PPARGC1B: variants seen among roughly 807,000 people sequenced by gnomAD.
PPARGC1B encodes PPARG coactivator 1 beta.
Under a neutral mutation model 101.6 loss-of-function variants are expected in PPARGC1B, and 34 were observed. That is an observed-to-expected ratio of 0.33 (90% CI 0.25 to 0.45). PPARGC1B has a LOEUF of 0.45. Among genes scored for constraint, PPARGC1B ranks in the 20% least tolerant of loss-of-function variants. The pLI, the probability that PPARGC1B is intolerant of heterozygous loss-of-function variation, is 1.00. For missense variants in PPARGC1B, 1,234 were observed against 1,317.6 expected (o/e 0.94, Z 0.98); for synonymous variants, 548 against 539.3 (o/e 1.02, Z -0.22).
chr5:149,743,155 CTTTTTT>C (rs1181226228), intron 1 of PPARGC1B, among the ~76,000 whole-genome samples: 1 of 134,368 alleles, frequency 7.4e-6, no homozygotes, highest in African/African-American at 2.7e-5. Flanking sequence ...TGTGTTTATT[CTTTTTT>C]TTTTTTTTTT....
intron 1 of PPARGC1B, 74 bp from the exon 2 acceptor site, chr5:149,820,359 A>G (rs1276412590): frequency 4.9e-6 from 7 of 1,428,370 alleles, no homozygotes; most frequent in Non-Finnish European, 6.8e-6. Flanking sequence ...TAGCTGCATC[A>G]TTATTGAGAG....
chr5:149,754,702 C>T (rs1755439985), intron 1 of PPARGC1B, among the ~76,000 whole-genome samples: 2 of 151,258 alleles, frequency 1.3e-5, no homozygotes. Context: ...GACAGGTAAC[C>T]AGGTCCTGAT....
chr5:149,811,123 T>C (rs900565231), intron 1 of PPARGC1B, among the ~76,000 whole-genome samples: 1 of 152,168 alleles, frequency 6.6e-6, no homozygotes, highest in African/African-American at 2.4e-5. Flanking sequence ...TGTATATTCA[T>C]TTTTGCCAGT....
chr5:149,844,233 G>A (rs1759460093), intron 10 of PPARGC1B, among the ~76,000 whole-genome samples: 1 of 152,148 alleles, frequency 6.6e-6, no homozygotes. Context: ...AATGAAGATA[G>A]CATGCAAAAA....
intron 1 of PPARGC1B, among the ~76,000 whole-genome samples, chr5:149,739,273 A>G (rs1262588905): frequency 6.6e-6 from 1 of 152,144 alleles, no homozygotes; most frequent in African/African-American, 2.4e-5. Context: ...ATCTGTGACT[A>G]TTTCGTTGTG....
rs199633790 is a variant in PPARGC1B at position 149,732,586 on chromosome 5, T to C, written c.78+2166T>C. 2.8e-3 allele frequency among the ~76,000 whole-genome samples: 419 copies of C among 152,352 alleles called. 6 individuals carry two copies. Among genetic ancestry groups the C allele is most frequent in the South Asian group, 0.025 (120 of 4,832 alleles). The stretch of plus-strand genomic sequence containing the variant: ...GTGAAAGTTAATCTGGGACATTTGC[T>C]TTTTTTATTTAACCACATGACAGGC... On this transcript the variant is annotated intron_variant, in intron 1 of 11. Transcript: ENST00000309241.
intron 1 of PPARGC1B, among the ~76,000 whole-genome samples, chr5:149,782,253 A>G (rs183237237): frequency 4.9e-4 from 74 of 152,270 alleles, no homozygotes; most frequent in East Asian, 3.7e-3. Flanking sequence ...TCACTCATTT[A>G]CTGTGTGACC....
intron 1 of PPARGC1B, among the ~76,000 whole-genome samples, chr5:149,731,369 G>C (rs1754458498): frequency 6.6e-6 from 1 of 151,976 alleles, no homozygotes; most frequent in South Asian, 2.1e-4. Context: ...CCCACCCAAT[G>C]CCTGTTGCAA....
chr5:149,785,310 G>A (rs1756760298), intron 1 of PPARGC1B, among the ~76,000 whole-genome samples: 1 of 152,222 alleles, frequency 6.6e-6, no homozygotes, highest in Non-Finnish European at 1.5e-5. Context: ...GGCAGACCCA[G>A]GTTAGAATCT....
intron 1 of PPARGC1B, among the ~76,000 whole-genome samples, chr5:149,780,556 A>G (rs1581045296): frequency 6.6e-6 from 1 of 152,272 alleles, no homozygotes; most frequent in East Asian, 1.9e-4. Flanking sequence ...CTGTTGTTCT[A>G]GTTTTGCAGG....
rs535331684 is a variant in PPARGC1B at position 149,777,140 on chromosome 5, G to C, written c.79-43293G>C. ...TCAGTCTGAATCTGTTCTTCTTCTT[G>C]TTTTTGCTGAGGCAGTTTTGTGGCT... is the stretch of plus-strand genomic sequence containing the variant. On this transcript the variant is annotated intron_variant, in intron 1 of 11. Transcript: ENST00000309241. Among the ~76,000 whole-genome samples the C allele has an allele frequency of 7.2e-5, 11 of 152,328 alleles. 1 individual carries two copies. The South Asian group carries it at 2.1e-3, about 29-fold the overall frequency.
rs1207959308 is a variant in PPARGC1B, at chr5:149,820,541, T to C, written c.187T>C (p.Trp63Arg). 1 of 1,613,906 alleles carries C rather than the reference T, an allele frequency of 6.2e-7. No homozygotes were observed. The highest frequency in any genetic ancestry group is 8.5e-7 in the Non-Finnish European group (1 of 1,180,032). The change falls in exon 2 of 12, where the codon TGG becomes CGG. Residue 63 changes from tryptophan (W) to arginine (R), a missense_variant. By Grantham distance (101) the Trp-to-Arg change is moderately radical. Transcript: ENST00000309241. ...DSATCFGELQ[W>R]CPENSETEPN... The stretch of plus-strand genomic sequence containing the variant: ...GGCCACCTGCTTTGGGGAGCTGCAG[T>C]GGTGCCCAGAGAACTCAGAGACTGA...
At chr5:149,845,999 G>A (rs571758846) in intron 11 of PPARGC1B, 85 bp downstream of exon 11, 2 of 1,541,322 alleles carry the variant, frequency 1.3e-6, no homozygotes, top group African/African-American at 1.4e-5. Context: ...CAGAGCTAAA[G>A]CGCCTTGTGG....
intron 1 of PPARGC1B, among the ~76,000 whole-genome samples, chr5:149,738,297 G>A (rs1754798260): frequency 6.6e-6 from 1 of 152,100 alleles, no homozygotes; most frequent in South Asian, 2.1e-4. Context: ...CTCCACAAAG[G>A]CAAGGATTTT....
intron 1 of PPARGC1B, among the ~76,000 whole-genome samples, chr5:149,768,529 C>T (rs1251720531): frequency 6.6e-6 from 1 of 150,722 alleles, no homozygotes; most frequent in Non-Finnish European, 1.5e-5. Context: ...CTGCAACCTC[C>T]GCCTCTCAGG....
Position 149,795,005 on chromosome 5 carries a change from G to A in PPARGC1B, c.79-25428G>A, listed in dbSNP as rs141638813. Among the ~76,000 whole-genome samples, 148 of 152,276 alleles carry A rather than the reference G, an allele frequency of 9.7e-4. No homozygotes were observed. The East Asian group carries it at 0.027, about 28-fold the overall frequency. The stretch of plus-strand genomic sequence containing the variant: ...ATGGGGACACACGAGACATCTTGAC[G>A]TCAACGGGTCAGCTAGATTCTCCAT... On this transcript the variant is annotated intron_variant, in intron 1 of 11. Transcript: ENST00000309241.
At chr5:149,846,714 CCGG>C (rs1759574883) in intron 11 of PPARGC1B, 1 of 154,074 alleles carries the variant, frequency 6.5e-6, no homozygotes, top group Non-Finnish European at 1.4e-5. Context: ...TGTCAGTGAC[CCGG>C]CTGGGTGCCA....
chr5:149,821,997 C>T (rs948729351), intron 2 of PPARGC1B, among the ~76,000 whole-genome samples: 1 of 152,222 alleles, frequency 6.6e-6, no homozygotes, highest in Non-Finnish European at 1.5e-5. Flanking sequence ...ACCCACACCC[C>T]TCACCGCTAC....
At chr5:149,750,953 T>C (rs778369523) in intron 1 of PPARGC1B, among the ~76,000 whole-genome samples, 3 of 152,186 alleles carry the variant, frequency 2.0e-5, no homozygotes, top group Non-Finnish European at 4.4e-5. Context: ...AAAAGCAATT[T>C]TGAAGAGTAA....
Sources: allele counts gnomAD v4.1 joint callset (sites outside exome capture counted in the v4.1 genomes callset), GRCh38; gene constraint gnomAD v4.1.1; transcripts MANE v1.5; gene names NCBI Gene and HGNC (gene_info 2026-07-23, HGNC 2026-07-21).